RGS5: variants seen among roughly 807,000 people sequenced by gnomAD.
RGS5 encodes the protein regulator of G-protein signalling 5.
In RGS5, 20 loss-of-function variants were observed where a neutral mutation model predicts 18.9. That is an observed-to-expected ratio of 1.06 (90% CI 0.74 to 1.54). The LOEUF is 1.54. Ranked by LOEUF, RGS5 falls within the 40% of genes most tolerant of loss-of-function variation. The pLI, the probability that RGS5 is intolerant of heterozygous loss-of-function variation, is 0.00. For missense variants in RGS5, 201 were observed against 211.8 expected, an observed-to-expected ratio of 0.95 and a Z score of 0.32; for synonymous variants, 57 against 76.2, an observed-to-expected ratio of 0.75 and a Z score of 1.31.
At chr1:163,243,373 C>A (rs907405227) in intron 2 of RGS5, among the ~76,000 whole-genome samples, 1 of 151,982 alleles carries the variant, frequency 6.6e-6, no homozygotes, top group Non-Finnish European at 1.5e-5. Context: ...ACAGGCCGGG[C>A]GCGGTGGCTC....
chr1:163,182,978 G>A (rs986022519), intron 1 of RGS5, among the ~76,000 whole-genome samples: 3 of 152,010 alleles, frequency 2.0e-5, no homozygotes, highest in African/African-American at 7.2e-5. Flanking sequence ...GAGGAGAAAT[G>A]TAAAATTAAT....
chr1:163,223,682 A>G (rs1647275225), intron 2 of RGS5, among the ~76,000 whole-genome samples: 1 of 152,206 alleles, frequency 6.6e-6, no homozygotes, highest in African/African-American at 2.4e-5. Flanking sequence ...TATCTGGCAG[A>G]AGAACTCATC....
intron 1 of RGS5, among the ~76,000 whole-genome samples, chr1:163,215,725 T>A (rs2101674557): frequency 6.6e-6 from 1 of 152,232 alleles, no homozygotes; most frequent in Non-Finnish European, 1.5e-5. Flanking sequence ...TTCCCCCAGT[T>A]TCCTAAGGGA....
At chr1:163,216,513 A>C (rs1328756269) in intron 1 of RGS5, among the ~76,000 whole-genome samples, 1 of 152,172 alleles carries the variant, frequency 6.6e-6, no homozygotes, top group Non-Finnish European at 1.5e-5. Flanking sequence ...ATCAGAGATC[A>C]ACTCTATGGT....
intron 2 of RGS5, among the ~76,000 whole-genome samples, chr1:163,305,585 C>T (rs887186400): frequency 2.6e-5 from 4 of 152,198 alleles, no homozygotes; most frequent in Non-Finnish European, 5.9e-5. Context: ...TGCAGAACAT[C>T]TAAATGATTA....
intron 1 of RGS5, among the ~76,000 whole-genome samples, chr1:163,189,268 C>T (rs568027721): frequency 2.6e-5 from 4 of 152,154 alleles, no homozygotes; most frequent in Non-Finnish European, 4.4e-5. Flanking sequence ...TTGGCTTCCC[C>T]TCATGGGTTG....
intron 1 of RGS5, among the ~76,000 whole-genome samples, chr1:163,213,461 G>A (rs1660150082): frequency 6.6e-6 from 1 of 152,132 alleles, no homozygotes; most frequent in Non-Finnish European, 1.5e-5. Context: ...CTTTCTGAGT[G>A]TAATGCTAAC....
rs558614158 is a variant in RGS5, at chr1:163,264,570, A to G, written c.-281+41663T>C. On this transcript the variant is annotated intron_variant, in intron 2 of 5. Transcript: ENST00000618415. ...TCCTGCCAAGATCATTCATGATTGT[A>G]TCATGCACATGCATGACTATCCAAC... Among the ~76,000 whole-genome samples the G allele has an allele frequency of 1.8e-3, 274 of 152,300 alleles. 1 individual carries two copies. Among genetic ancestry groups the G allele is most frequent in the Non-Finnish European group, 3.0e-3 (207 of 68,028 alleles).
intron 2 of RGS5, among the ~76,000 whole-genome samples, chr1:163,246,409 A>C (rs1172364425): frequency 6.6e-6 from 1 of 151,650 alleles, no homozygotes; most frequent in Non-Finnish European, 1.5e-5. Context: ...TCTCTACTAA[A>C]AAATACAAAA....
chr1:163,230,192 C>T (rs1459822880), intron 2 of RGS5, among the ~76,000 whole-genome samples: 2 of 152,086 alleles, frequency 1.3e-5, no homozygotes, highest in Non-Finnish European at 2.9e-5. Flanking sequence ...AAATTTTGAT[C>T]TGGGAGTCAA....
chr1:163,204,118 G>A (rs886734813), upstream of RGS5, among the ~76,000 whole-genome samples: 4 of 152,158 alleles, frequency 2.6e-5, no homozygotes, highest in Non-Finnish European at 5.9e-5. Context: ...TCAATGCAGT[G>A]CATTATGACC....
upstream of RGS5, among the ~76,000 whole-genome samples, chr1:163,205,286 A>G (rs2101665337): frequency 6.7e-6 from 1 of 148,642 alleles, no homozygotes; most frequent in Non-Finnish European, 1.5e-5. Flanking sequence ...GCTATACTGT[A>G]CCGTACACTT....
At chr1:163,229,725 C>A (rs1000252697) in intron 2 of RGS5, among the ~76,000 whole-genome samples, 2 of 152,188 alleles carry the variant, frequency 1.3e-5, no homozygotes, top group Admixed American at 6.5e-5. Context: ...GACTTTTACT[C>A]AAATATTGGC....
At chr1:163,179,743 T>C (rs945124733) in intron 1 of RGS5, among the ~76,000 whole-genome samples, 10 of 152,080 alleles carry the variant, frequency 6.6e-5, no homozygotes, top group Admixed American at 1.3e-4. Context: ...CTCTAATAGC[T>C]CCTCCAGCTA....
rs1657114118 is a variant in RGS5, at chr1:163,146,018, CATT to C, written c.*1321_*1323del. ...GATTCTGTTACTAAATTCTGTGAAT[CATT>C]ATTTAATCAAATCTACTAAAGATTA... On this transcript the variant is annotated 3_prime_UTR_variant, in exon 5 of 5. Coordinates refer to ENST00000313961, the MANE Select transcript of RGS5 (RefSeq NM_003617.4). 6.6e-6 allele frequency: 1 copy of C among 152,140 alleles called. No homozygotes were observed. The highest frequency in any genetic ancestry group is 1.5e-5 in the Non-Finnish European group (1 of 68,020). 9.4% of individuals were successfully genotyped at this position (152,140 alleles called of 1,614,324 possible). A position where few individuals can be genotyped will look rare whatever the true frequency, so the allele number is the denominator to read the frequency against.
At chr1:163,213,070 C>T (rs1273667286) in intron 1 of RGS5, 3 of 152,066 alleles carry the variant, frequency 2.0e-5, no homozygotes, top group East Asian at 3.9e-4. Context: ...TCCTGTGGAT[C>T]GCAGGATCAA....
intron 2 of RGS5, among the ~76,000 whole-genome samples, chr1:163,254,521 G>A (rs1269128826): frequency 6.6e-6 from 1 of 151,836 alleles, no homozygotes; most frequent in African/African-American, 2.4e-5. Context: ...AAATTTGTTG[G>A]AGTTCATTGT....
intron 4 of RGS5, among the ~76,000 whole-genome samples, chr1:163,149,966 C>G (rs1332498223): frequency 6.6e-6 from 1 of 152,188 alleles, no homozygotes; most frequent in Admixed American, 6.5e-5. Flanking sequence ...AGAGCTTTAG[C>G]TAGAGACTTG....
At chr1:163,283,223 G>A (rs1649040913) in intron 2 of RGS5, among the ~76,000 whole-genome samples, 1 of 152,154 alleles carries the variant, frequency 6.6e-6, no homozygotes, top group South Asian at 2.1e-4. Context: ...CTGTAACACT[G>A]CAGGGAGAAT....
Sources: allele counts gnomAD v4.1 joint callset (sites outside exome capture counted in the v4.1 genomes callset), GRCh38; gene constraint gnomAD v4.1.1; transcripts MANE v1.5; gene names NCBI Gene and HGNC (gene_info 2026-07-23, HGNC 2026-07-21).